The following SHTN1 variants were observed in gnomAD, a reference collection of about 807,000 sequenced individuals.
The protein encoded by SHTN1 is shootin 1.
Under a neutral mutation model 83.1 loss-of-function variants are expected in SHTN1, and 42 were observed. The ratio of observed to expected loss-of-function variants is 0.51; its 90% CI spans 0.39 to 0.65. The LOEUF (loss-of-function observed/expected upper bound fraction) is 0.65, where lower values mean the gene tolerates loss of function less well. Among genes scored for constraint, SHTN1 ranks in the 30% least tolerant of loss-of-function variants. The probability of loss-of-function intolerance (pLI) is 0.00; values close to 1 mark genes in which losing one functional copy is unlikely to be tolerated. For synonymous variants in SHTN1, 224 were observed against 247.7 expected, an observed-to-expected ratio of 0.90 and a Z score of 0.90; for missense variants, 622 against 737.8, an observed-to-expected ratio of 0.84 and a Z score of 1.82.
intron 2 of SHTN1, among the ~76,000 whole-genome samples, chr10:117,012,621 A>G (rs1249938173): frequency 6.6e-6 from 1 of 152,226 alleles, no homozygotes; most frequent in African/African-American, 2.4e-5. Context: ...ATAGACCAAA[A>G]TGTAAAACCT....
chr10:117,037,320 A>G (rs569079910), intron 2 of SHTN1, among the ~76,000 whole-genome samples: 11 of 152,290 alleles, frequency 7.2e-5, no homozygotes, highest in Non-Finnish European at 1.3e-4. Context: ...TTAGCACTCA[A>G]TAAAATACTT....
intron 1 of SHTN1, among the ~76,000 whole-genome samples, chr10:117,064,989 C>T (rs1015479246): frequency 6.6e-6 from 1 of 152,180 alleles, no homozygotes; most frequent in African/African-American, 2.4e-5. Flanking sequence ...TCTGCTGATA[C>T]TAGCACATGC....
At chr10:116,954,584 G>A (rs998387594) in intron 4 of SHTN1, among the ~76,000 whole-genome samples, 1 of 152,252 alleles carries the variant, frequency 6.6e-6, no homozygotes, top group East Asian at 1.9e-4. Flanking sequence ...CCTTTTAAAT[G>A]TCTGTTTGCC....
chr10:117,007,574 A>C (rs1296410117), upstream of SHTN1, among the ~76,000 whole-genome samples: 9 of 147,096 alleles, frequency 6.1e-5, no homozygotes, highest in African/African-American at 1.7e-4. Flanking sequence ...AAAAAAAAAA[A>C]AAAAAACTCC....
rs1179554535 is a variant in SHTN1 at position 116,886,339 on chromosome 10, A to C, written c.*5T>G. On this transcript the variant is annotated 3_prime_UTR_variant, in exon 17 of 17. Transcript: ENST00000355371. Reference sequence around the variant, plus strand: ...TCCAAACATGTCAGGCTTCTGGTTTATGGATCAGCAGTTGGAGCTGTCTGT... The same window carrying C: ...TCCAAACATGTCAGGCTTCTGGTTTCTGGATCAGCAGTTGGAGCTGTCTGT... 2.6e-6 allele frequency: 4 copies of C among 1,552,546 alleles called. No homozygotes were observed. The East Asian group carries it at 9.8e-5, about 38-fold the overall frequency.
chr10:116,936,862 T>C (rs1303644786), intron 9 of SHTN1, among the ~76,000 whole-genome samples: 3 of 152,318 alleles, frequency 2.0e-5, no homozygotes, highest in Non-Finnish European at 2.9e-5. Flanking sequence ...TGGGTGCATA[T>C]ATATTTAGGA....
intron 1 of SHTN1, among the ~76,000 whole-genome samples, chr10:116,984,067 G>T (rs997043131): frequency 5.9e-5 from 9 of 152,090 alleles, no homozygotes; most frequent in Non-Finnish European, 5.9e-5. Flanking sequence ...TCTAGCTAGG[G>T]TTAATAAGAA....
At chr10:116,958,484 G>C (rs1850062151) in intron 4 of SHTN1, among the ~76,000 whole-genome samples, 1 of 152,162 alleles carries the variant, frequency 6.6e-6, no homozygotes, top group Non-Finnish European at 1.5e-5. Context: ...GTAAAAATGA[G>C]CTTAGAGATT....
intron 14 of SHTN1, among the ~76,000 whole-genome samples, chr10:116,910,942 A>G (rs1189923197): frequency 3.9e-5 from 6 of 152,248 alleles, no homozygotes; most frequent in Admixed American, 3.9e-4. Context: ...GACATGCTTG[A>G]TGAAAATAAT....
chr10:117,067,494 C>A (rs1317584947), intron 1 of SHTN1, among the ~76,000 whole-genome samples: 4 of 152,124 alleles, frequency 2.6e-5, no homozygotes, highest in African/African-American at 9.7e-5. Flanking sequence ...ACTCAGGAGG[C>A]TGAGGCAGGA....
chr10:116,930,056 C>A, intron 9 of SHTN1, 54 bp from the exon 10 acceptor site: 1 of 1,240,798 alleles, frequency 8.1e-7, no homozygotes, highest in East Asian at 2.5e-5. Context: ...TTTCCTTTGT[C>A]AAAGAAAAGA....
chr10:116,997,628 A>G (rs10218905), intron 1 of SHTN1, among the ~76,000 whole-genome samples: 45,678 of 151,984 alleles, frequency 0.3, 7,145 homozygotes, highest in East Asian at 0.5. Flanking sequence ...CAGAGGTAAA[A>G]CGCCAATTCA....
At chr10:117,083,681 C>T (rs1161057120) in intron 1 of SHTN1, among the ~76,000 whole-genome samples, 5 of 151,852 alleles carry the variant, frequency 3.3e-5, no homozygotes, top group East Asian at 1.9e-4. Context: ...ACCAGTCAGA[C>T]GTAGATTTGG....
intron 1 of SHTN1, among the ~76,000 whole-genome samples, chr10:117,112,354 A>C (rs1853780661): frequency 6.6e-6 from 1 of 152,158 alleles, no homozygotes; most frequent in African/African-American, 2.4e-5. Flanking sequence ...CTAGCTCATC[A>C]TTTATGCATC....
chr10:117,104,020 T>C (rs995833291), intron 1 of SHTN1, among the ~76,000 whole-genome samples: 2 of 152,194 alleles, frequency 1.3e-5, no homozygotes, highest in East Asian at 1.9e-4. Flanking sequence ...CTCAACCTTA[T>C]GAAGTATTAT....
intron 1 of SHTN1, among the ~76,000 whole-genome samples, chr10:117,079,122 T>G (rs2133609644): frequency 6.6e-6 from 1 of 151,882 alleles, no homozygotes; most frequent in African/African-American, 2.4e-5. Context: ...GCCATGCTGG[T>G]GTGCTGCACC....
chr10:117,007,554 CAAAAAAAAAAAAA>C (rs35941784), upstream of SHTN1, among the ~76,000 whole-genome samples: 3 of 16,372 alleles, frequency 1.8e-4, no homozygotes, highest in Non-Finnish European at 3.6e-4. Flanking sequence ...GACTCCATCT[CAAAAAAAAAAAAA>C]AAAAAAAAAA....
At chr10:116,955,709 A>C (rs946554582) in intron 4 of SHTN1, among the ~76,000 whole-genome samples, 5 of 152,194 alleles carry the variant, frequency 3.3e-5, no homozygotes, top group Non-Finnish European at 7.3e-5. Flanking sequence ...GGTCTGGAGC[A>C]CGAGAGGTTT....
At chr10:116,889,132 G>A (rs2133299510) in intron 16 of SHTN1, among the ~76,000 whole-genome samples, 1 of 152,322 alleles carries the variant, frequency 6.6e-6, no homozygotes, top group South Asian at 2.1e-4. Flanking sequence ...ATGTTTCCAT[G>A]CTCGTGTGTG....
Sources: allele counts gnomAD v4.1 joint callset (sites outside exome capture counted in the v4.1 genomes callset), GRCh38; gene constraint gnomAD v4.1.1; transcripts MANE v1.5; gene names NCBI Gene and HGNC (gene_info 2026-07-23, HGNC 2026-07-21).